The following MALRD1 variants were observed in gnomAD, a reference collection of about 807,000 sequenced individuals.
The protein encoded by MALRD1 is MAM and LDL receptor class A domain containing 1.
Under a neutral mutation model 242.1 loss-of-function variants are expected in MALRD1, and 247 were observed. That is an observed-to-expected ratio of 1.02 (90% confidence interval 0.92 to 1.13). The LOEUF is 1.13. Ranked by LOEUF, MALRD1 falls within the 50% of genes most tolerant of loss-of-function variation. MALRD1 has a pLI of 0.00. For missense variants in MALRD1, 2,989 were observed against 2,533.1 expected, an observed-to-expected ratio of 1.18 and a Z score of -3.86; for synonymous variants, 995 against 866.6, an observed-to-expected ratio of 1.15 and a Z score of -2.60.
At chr10:19,719,053 C>CAG (rs1364285082) in intron 38 of MALRD1, among the ~76,000 whole-genome samples, 2 of 149,964 alleles carry the variant, frequency 1.3e-5, no homozygotes, top group Admixed American at 1.3e-4. Flanking sequence ...GGGCTAGATA[C>CAG]CCAAGAGGCT....
intron 28 of MALRD1, among the ~76,000 whole-genome samples, chr10:19,417,196 A>G (rs529178496): frequency 1.3e-4 from 20 of 152,136 alleles, no homozygotes; most frequent in African/African-American, 4.6e-4. Flanking sequence ...TTCTCTTCAC[A>G]TGGTCTCTCT....
At chr10:19,180,237 A>G (rs1485436440) in intron 14 of MALRD1, among the ~76,000 whole-genome samples, 1 of 152,310 alleles carries the variant, frequency 6.6e-6, no homozygotes, top group East Asian at 1.9e-4. Context: ...AACATACATG[A>G]GAATGATGAG....
chr10:19,399,847 T>C (rs1846756549), intron 28 of MALRD1, among the ~76,000 whole-genome samples: 1 of 152,206 alleles, frequency 6.6e-6, no homozygotes. Flanking sequence ...TCTGATAATC[T>C]GTTGTGACAA....
In MALRD1 at chr10:19,320,918, G is replaced by A. The variant is rs1262223820; in HGVS notation, c.3420-3031G>A. On this transcript the variant is annotated intron_variant, in intron 21 of 39. Coordinates refer to ENST00000454679, the MANE Select transcript of MALRD1 (RefSeq NM_001142308.3). ...TATCCTGTGCCTACTTTTTGATGGG[G>A]TTGTTTTTTTTCTTATAAATTTCTG... Among the ~76,000 whole-genome samples, 25 of 151,678 alleles carry A rather than the reference G, an allele frequency of 1.6e-4. 1 individual carries two copies. Among genetic ancestry groups the A allele is most frequent in the Non-Finnish European group, 3.7e-4 (25 of 67,882 alleles).
At position 19,573,208 on chromosome 10, in the gene MALRD1, G is replaced by T. The variant is rs2131479926; in HGVS notation, c.5680+5505G>T. Among the ~76,000 whole-genome samples, 3 of 152,234 alleles carry T rather than the reference G, an allele frequency of 2.0e-5. 1 individual carries two copies. Among genetic ancestry groups the T allele is most frequent in the Admixed American group, 2.0e-4 (3 of 15,286 alleles). On this transcript the variant is annotated intron_variant, in intron 33 of 39. Transcript: ENST00000454679. Reference sequence around the variant, plus strand: ...ATGGCACGTGTTCCTTCTGGATCCTGCCCCAGGTCAAGGTGGTTGGAAACT... The same window carrying T: ...ATGGCACGTGTTCCTTCTGGATCCTTCCCCAGGTCAAGGTGGTTGGAAACT...
At chr10:19,490,560 A>G (rs1461666351) in intron 29 of MALRD1, among the ~76,000 whole-genome samples, 42 of 58,430 alleles carry the variant, frequency 7.2e-4, no homozygotes, top group Admixed American at 1.0e-3. Context: ...CGGTGAAGGG[A>G]GGCTGAGGTG....
intron 29 of MALRD1, among the ~76,000 whole-genome samples, chr10:19,486,874 G>A (rs1372686479): frequency 6.6e-6 from 1 of 152,058 alleles, no homozygotes; most frequent in African/African-American, 2.4e-5. Flanking sequence ...GTTTTCAATT[G>A]ATGTCACTTT....
chr10:19,420,621 A>C (rs1301519492), intron 28 of MALRD1, among the ~76,000 whole-genome samples: 1 of 152,102 alleles, frequency 6.6e-6, no homozygotes, highest in Non-Finnish European at 1.5e-5. Context: ...TAGATAAGGA[A>C]CATGTTATTT....
At chr10:19,317,934 G>A (rs893441015) in intron 21 of MALRD1, among the ~76,000 whole-genome samples, 10 of 151,932 alleles carry the variant, frequency 6.6e-5, no homozygotes, top group African/African-American at 1.2e-4. Flanking sequence ...AGTAAAGCAC[G>A]ATTTTCTTAA....
chr10:19,102,199 A>G (rs1173665399), intron 4 of MALRD1, among the ~76,000 whole-genome samples: 1 of 150,142 alleles, frequency 6.7e-6, no homozygotes, highest in Non-Finnish European at 1.5e-5. Flanking sequence ...GAATCAAACT[A>G]CTTGGTTTCA....
chr10:19,602,517 A>C (rs1838407826), intron 34 of MALRD1, among the ~76,000 whole-genome samples: 1 of 151,806 alleles, frequency 6.6e-6, no homozygotes, highest in African/African-American at 2.4e-5. Context: ...CCTGCAAAGG[A>C]CATGAACTCA....
At chr10:19,302,208 T>G (rs184714793) in intron 21 of MALRD1, among the ~76,000 whole-genome samples, 1 of 151,928 alleles carries the variant, frequency 6.6e-6, no homozygotes, top group Non-Finnish European at 1.5e-5. Flanking sequence ...TGTCTGGCAG[T>G]TTCTTAAAAA....
chr10:19,420,620 A>C (rs952763287), intron 28 of MALRD1, among the ~76,000 whole-genome samples: 4 of 152,024 alleles, frequency 2.6e-5, no homozygotes, highest in African/African-American at 9.7e-5. Context: ...CTAGATAAGG[A>C]ACATGTTATT....
At chr10:19,604,974 T>G (rs1479944754) in intron 34 of MALRD1, among the ~76,000 whole-genome samples, 2 of 152,100 alleles carry the variant, frequency 1.3e-5, no homozygotes, top group Non-Finnish European at 2.9e-5. Flanking sequence ...AGATTTTGCT[T>G]TAAGAGTTTA....
At chr10:19,469,037 A>G (rs879360728) in intron 29 of MALRD1, among the ~76,000 whole-genome samples, 3 of 152,114 alleles carry the variant, frequency 2.0e-5, no homozygotes, top group Non-Finnish European at 2.9e-5. Flanking sequence ...GGAACATAAA[A>G]TACTATTTCT....
At position 19,427,949 on chromosome 10, in the gene MALRD1, C is replaced by T. The variant is rs150492843; in HGVS notation, c.4846-22358C>T. Among the ~76,000 whole-genome samples, 1,074 of 152,230 alleles carry T rather than the reference C, an allele frequency of 7.1e-3. 5 individuals are homozygous for T. The highest frequency in any genetic ancestry group is 0.011 in the Non-Finnish European group (768 of 68,018). ...TGTATGTTGCATATCACTGTATACA[C>T]ATGAGTGCAGCCTAAATCTCAAATT... On this transcript the variant is annotated intron_variant, in intron 28 of 39. Transcript: ENST00000454679.
intron 31 of MALRD1, among the ~76,000 whole-genome samples, chr10:19,521,061 T>C (rs762703385): frequency 6.6e-6 from 1 of 152,182 alleles, no homozygotes; most frequent in Non-Finnish European, 1.5e-5. Flanking sequence ...TGTGAGATGA[T>C]ACTGAGTGAA....
At chr10:19,355,853 ATATAT>A (rs201324098) in intron 26 of MALRD1, among the ~76,000 whole-genome samples, 12 of 52,896 alleles carry the variant, frequency 2.3e-4, no homozygotes, top group East Asian at 3.6e-4. Context: ...TTATATATAT[ATATAT>A]TATATATGAT....
At chr10:19,590,411 A>T (rs941000786) in intron 33 of MALRD1, among the ~76,000 whole-genome samples, 2 of 148,434 alleles carry the variant, frequency 1.3e-5, no homozygotes, top group African/African-American at 4.9e-5. Context: ...TATAACATAT[A>T]TAGGTGGTTA....
Sources: gnomAD v4.1 joint callset for allele counts (sites outside exome capture counted in the v4.1 genomes callset) on GRCh38, gnomAD v4.1.1 for gene constraint, MANE v1.5 for transcripts, NCBI Gene and HGNC (gene_info 2026-07-23, HGNC 2026-07-21) for gene names.